Variants in NRG1 observed in about 807,000 individuals in gnomAD.
NRG1 encodes the protein pro-neuregulin-1, membrane-bound isoform.
Under a neutral mutation model 63.8 loss-of-function variants are expected in NRG1, and 18 were observed. The observed-to-expected ratio is 0.28, with a 90% CI of 0.19 to 0.42. The LOEUF is 0.42. Among genes scored for constraint, NRG1 ranks in the 10% least tolerant of loss-of-function variants. NRG1 has a pLI of 1.00. For synonymous variants in NRG1, 302 were observed against 301.3 expected (o/e 1.00, Z -0.02); for missense variants, 762 against 814.7 (o/e 0.94, Z 0.79).
intron 1 of NRG1, among the ~76,000 whole-genome samples, chr8:31,750,620 A>G (rs1269474335): frequency 6.6e-6 from 1 of 151,964 alleles, no homozygotes; most frequent in African/African-American, 2.4e-5. Flanking sequence ...GTAAACTGAC[A>G]GTTCTGTTTT....
chr8:32,639,453 TA>T (rs1851917266), intron 5 of NRG1, among the ~76,000 whole-genome samples: 1 of 152,164 alleles, frequency 6.6e-6, no homozygotes, highest in Non-Finnish European at 1.5e-5. Context: ...GAACCATGTT[TA>T]AAAGTAGAAT....
chr8:32,765,552 C>G (rs531240679), exon 12 of NRG1: 1 of 152,040 alleles, frequency 6.6e-6, no homozygotes, highest in Non-Finnish European at 1.5e-5. Flanking sequence ...TGTGGATGAC[C>G]ACCCCTTTCT....
At chr8:32,431,614 G>A (rs1024445190) in intron 1 of NRG1, among the ~76,000 whole-genome samples, 1 of 152,070 alleles carries the variant, frequency 6.6e-6, no homozygotes, top group African/African-American at 2.4e-5. Flanking sequence ...CCAAGGTCAA[G>A]ACCCACCTTA....
intron 1 of NRG1, among the ~76,000 whole-genome samples, chr8:32,087,158 A>T (rs1828349508): frequency 6.6e-6 from 1 of 152,160 alleles, no homozygotes; most frequent in African/African-American, 2.4e-5. Flanking sequence ...TCGCATGTAG[A>T]AACATGATTC....
intron 1 of NRG1, among the ~76,000 whole-genome samples, chr8:32,284,942 A>G (rs1304540929): frequency 6.6e-6 from 1 of 152,182 alleles, no homozygotes; most frequent in Non-Finnish European, 1.5e-5. Flanking sequence ...GGCACGGTAA[A>G]GAATGCACTT....
At chr8:32,065,269 T>A (rs1824573663) in intron 1 of NRG1, among the ~76,000 whole-genome samples, 2 of 152,142 alleles carry the variant, frequency 1.3e-5, no homozygotes, top group African/African-American at 4.8e-5. Flanking sequence ...TTGTTACATA[T>A]GTATACATGT....
chr8:32,635,831 T>C (rs1786090636), intron 5 of NRG1, among the ~76,000 whole-genome samples: 1 of 152,196 alleles, frequency 6.6e-6, no homozygotes, highest in Non-Finnish European at 1.5e-5. Flanking sequence ...CATTTAACTT[T>C]TGATGTGCCC....
intron 11 of NRG1, chr8:32,760,893 C>A (rs1830574751): frequency 2.0e-6 from 2 of 994,874 alleles, no homozygotes; most frequent in African/African-American, 3.5e-5. Context: ...TATGTCATTG[C>A]TGAATGTCAT....
intron 1 of NRG1, among the ~76,000 whole-genome samples, chr8:32,102,022 C>A (rs561413331): frequency 6.6e-6 from 1 of 151,912 alleles, no homozygotes; most frequent in Admixed American, 6.6e-5. Flanking sequence ...TAGCAGGCTT[C>A]GTCGGAGGGT....
chr8:32,026,603 C>A (rs566443566), intron 1 of NRG1, among the ~76,000 whole-genome samples: 4 of 152,228 alleles, frequency 2.6e-5, no homozygotes, highest in South Asian at 4.2e-4. Flanking sequence ...TGTTATTCTA[C>A]CGTATAGGCG....
intron 1 of NRG1, among the ~76,000 whole-genome samples, chr8:31,912,412 G>A (rs1833020162): frequency 6.6e-6 from 1 of 152,016 alleles, no homozygotes. Flanking sequence ...GCAGTGTGGG[G>A]ACCCTGGAAG....
At chr8:31,909,302 C>T (rs890083671) in intron 1 of NRG1, among the ~76,000 whole-genome samples, 2 of 152,004 alleles carry the variant, frequency 1.3e-5, no homozygotes, top group Admixed American at 1.3e-4. Context: ...AACTTTATAA[C>T]ATCCCTTTAC....
intron 1 of NRG1, among the ~76,000 whole-genome samples, chr8:31,773,139 C>T (rs1818795240): frequency 1.3e-5 from 2 of 152,170 alleles, no homozygotes; most frequent in African/African-American, 2.4e-5. Context: ...GCAAGACAAA[C>T]TTGCTCTGGT....
At chr8:32,311,104 G>C (rs1856760970) in intron 1 of NRG1, among the ~76,000 whole-genome samples, 1 of 152,154 alleles carries the variant, frequency 6.6e-6, no homozygotes, top group South Asian at 2.1e-4. Context: ...CAGGCACTCA[G>C]GGGAAACGAC....
chr8:32,264,251 A>G (rs1850681686), intron 1 of NRG1, among the ~76,000 whole-genome samples: 1 of 152,184 alleles, frequency 6.6e-6, no homozygotes, highest in Admixed American at 6.6e-5. Context: ...TTAATTTTTA[A>G]TTGTCTGTCA....
chr8:32,335,913 T>A (rs1297097194), intron 1 of NRG1, among the ~76,000 whole-genome samples: 1 of 152,020 alleles, frequency 6.6e-6, no homozygotes, highest in East Asian at 1.9e-4. Flanking sequence ...CAGGAAGACA[T>A]GGACAATGCT....
At chr8:32,408,680 C>T (rs1814449500) in intron 1 of NRG1, among the ~76,000 whole-genome samples, 2 of 152,080 alleles carry the variant, frequency 1.3e-5, no homozygotes, top group African/African-American at 4.8e-5. Flanking sequence ...GTTGTTCATA[C>T]CTGAATGCAC....
intron 5 of NRG1, among the ~76,000 whole-genome samples, chr8:32,667,605 AATAGTACTCTGGGTTTGTGAAGATG>A (rs1287776159): frequency 4.6e-4 from 70 of 152,286 alleles, no homozygotes; most frequent in African/African-American, 1.6e-3. Context: ...CCCAGCTTCT[AATAGTACTCTGGGTTTGTGAAGATG>A]CAGTAAGTGC....
chr8:31,681,241 A>C (rs1216210167), intron 1 of NRG1, among the ~76,000 whole-genome samples: 2 of 152,170 alleles, frequency 1.3e-5, no homozygotes, highest in African/African-American at 4.8e-5. Context: ...CAGATAATGA[A>C]GAATTTTAAA....
Sources: gnomAD v4.1 joint callset for allele counts (sites outside exome capture counted in the v4.1 genomes callset) on GRCh38, gnomAD v4.1.1 for gene constraint, MANE v1.5 for transcripts, NCBI Gene and HGNC (gene_info 2026-07-23, HGNC 2026-07-21) for gene names.